KCNAB1: variants seen among roughly 807,000 people sequenced by gnomAD.
The protein encoded by KCNAB1 is potassium voltage-gated channel subfamily A regulatory beta subunit 1.
A neutral mutation model predicts 64.6 loss-of-function variants in KCNAB1; 35 were observed. The observed-to-expected ratio is 0.54, with a 90% CI of 0.41 to 0.72. The LOEUF (loss-of-function observed/expected upper bound fraction) is 0.72. Ranked by LOEUF, KCNAB1 falls within the 30% of genes least tolerant of loss-of-function variation. The pLI is 0.00. For missense variants in KCNAB1, 401 were observed against 512.9 expected (o/e 0.78, Z 2.11); for synonymous variants, 177 against 183.8 (o/e 0.96, Z 0.30).
intron 1 of KCNAB1, among the ~76,000 whole-genome samples, chr3:156,343,158 G>T (rs772958657): frequency 2.6e-5 from 4 of 152,158 alleles, no homozygotes; most frequent in Non-Finnish European, 5.9e-5. Context: ...CTCTCTAGTT[G>T]CTTCAGCTTT....
chr3:156,362,412 A>G (rs1371456726), intron 1 of KCNAB1, among the ~76,000 whole-genome samples: 1 of 152,316 alleles, frequency 6.6e-6, no homozygotes, highest in East Asian at 1.9e-4. Context: ...ACTGTATATC[A>G]CTGCTGTTGT....
chr3:156,185,744 T>A (rs989770160), intron 1 of KCNAB1, among the ~76,000 whole-genome samples: 9 of 152,166 alleles, frequency 5.9e-5, no homozygotes, highest in Admixed American at 5.9e-4. Context: ...GGAGTATTTT[T>A]TTTTTCTCGT....
chr3:156,451,420 G>T (rs1408257872), intron 2 of KCNAB1, among the ~76,000 whole-genome samples: 1 of 152,146 alleles, frequency 6.6e-6, no homozygotes, highest in Non-Finnish European at 1.5e-5. Flanking sequence ...GTCTAATAAG[G>T]CAGTGTGGTG....
intron 13 of KCNAB1, 64 bp downstream of exon 13, chr3:156,531,561 C>A: frequency 1.7e-6 from 2 of 1,202,732 alleles, no homozygotes; most frequent in Non-Finnish European, 1.2e-6. Context: ...TATCTCCAGG[C>A]AGTGTCCCAT....
chr3:156,496,683 T>C (rs2108359963), intron 8 of KCNAB1, among the ~76,000 whole-genome samples: 1 of 152,282 alleles, frequency 6.6e-6, no homozygotes, highest in East Asian at 1.9e-4. Flanking sequence ...TAGTGGGTCA[T>C]GTAGTAGAAG....
At chr3:156,531,581 T>A (rs1559933901) in intron 13 of KCNAB1, 84 bp downstream of exon 13, 3 of 1,016,908 alleles carry the variant, frequency 3.0e-6, no homozygotes, top group Non-Finnish European at 4.7e-6. Context: ...TCTCTCCCCC[T>A]CTCTGTCCTG....
At chr3:156,456,562 T>C (rs1712444317) in intron 3 of KCNAB1, among the ~76,000 whole-genome samples, 1 of 152,264 alleles carries the variant, frequency 6.6e-6, no homozygotes, top group Admixed American at 6.5e-5. Flanking sequence ...TTTTTCTTGG[T>C]AGGCTAATTT....
At chr3:156,467,472 A>G (rs1713501729) in intron 7 of KCNAB1, among the ~76,000 whole-genome samples, 1 of 152,130 alleles carries the variant, frequency 6.6e-6, no homozygotes, top group Admixed American at 6.5e-5. Flanking sequence ...CCACTTCGAA[A>G]ATCAAAATAG....
At position 156,441,264 on chromosome 3, in the gene KCNAB1, T is replaced by C. The variant is rs979751586; in HGVS notation, c.320-11635T>C. ...CAAGAGTTACTCAAAATTATTACTG[T>C]TTGGGAGAGAACAATTCACTGAACC... On this transcript the variant is annotated intron_variant, in intron 2 of 13. Coordinates refer to ENST00000490337, the MANE Select transcript of KCNAB1 (RefSeq NM_172160.3). The C allele has an allele frequency of 2.6e-5, 4 of 152,116 alleles. No individual in the cohort carries two copies. The East Asian group carries it at 7.7e-4, about 29-fold the overall frequency. The allele number at this position is 152,116 out of a possible 1,614,324, so 9.4% of individuals were successfully genotyped here.
At chr3:156,523,793 G>A (rs2108409011) in intron 11 of KCNAB1, 34 bp from the exon 12 acceptor site, 1 of 1,590,106 alleles carries the variant, frequency 6.3e-7, no homozygotes, top group East Asian at 2.2e-5. Flanking sequence ...ATCTTTACCA[G>A]ACATTAACAT....
chr3:156,182,622 T>TA (rs1326840372), intron 1 of KCNAB1, among the ~76,000 whole-genome samples: 1 of 26,808 alleles, frequency 3.7e-5, no homozygotes, highest in African/African-American at 1.0e-4. Flanking sequence ...CAGGGTTGGT[T>TA]TTTTTTTCCC....
intron 1 of KCNAB1, among the ~76,000 whole-genome samples, chr3:156,339,774 G>A (rs188706797): frequency 1.3e-5 from 2 of 152,288 alleles, no homozygotes; most frequent in East Asian, 3.9e-4. Context: ...CATTGGAGGG[G>A]GAGGGGGCTC....
At chr3:156,187,199 A>G (rs1249374952) in intron 1 of KCNAB1, among the ~76,000 whole-genome samples, 1 of 151,984 alleles carries the variant, frequency 6.6e-6, no homozygotes, top group Non-Finnish European at 1.5e-5. Flanking sequence ...CTCTTTCATC[A>G]CTAACCCTCC....
At chr3:156,351,213 C>G (rs1251217809) in intron 1 of KCNAB1, among the ~76,000 whole-genome samples, 1 of 152,234 alleles carries the variant, frequency 6.6e-6, no homozygotes, top group East Asian at 1.9e-4. Flanking sequence ...GTGTCTCACG[C>G]TGAATCCATC....
intron 8 of KCNAB1, among the ~76,000 whole-genome samples, chr3:156,505,021 A>T: frequency 6.6e-6 from 1 of 152,080 alleles, no homozygotes; most frequent in East Asian, 1.9e-4. Context: ...TTCTTCTAGT[A>T]GTGTCATAGC....
chr3:156,405,341 G>C (rs1051980411), intron 1 of KCNAB1, among the ~76,000 whole-genome samples: 2 of 152,210 alleles, frequency 1.3e-5, no homozygotes, highest in African/African-American at 4.8e-5. Context: ...GCAGGGGCCA[G>C]AGCCCTCAGA....
intron 2 of KCNAB1, among the ~76,000 whole-genome samples, chr3:156,445,378 C>G (rs1176485124): frequency 6.6e-6 from 1 of 152,108 alleles, no homozygotes. Context: ...GGTTCTCAAC[C>G]CTGACTGCAA....
At chr3:156,447,118 C>T (rs1306332048) in intron 2 of KCNAB1, among the ~76,000 whole-genome samples, 1 of 152,114 alleles carries the variant, frequency 6.6e-6, no homozygotes, top group Non-Finnish European at 1.5e-5. Context: ...TTCTTTAGGT[C>T]TTTTCTTGAA....
chr3:156,287,180 T>C (rs1334603473), intron 1 of KCNAB1, among the ~76,000 whole-genome samples: 1 of 152,080 alleles, frequency 6.6e-6, no homozygotes, highest in African/African-American at 2.4e-5. Context: ...ATAGGAGTTA[T>C]GTAGCCTGTG....
Sources: gnomAD v4.1 joint callset for allele counts (sites outside exome capture counted in the v4.1 genomes callset) on GRCh38, gnomAD v4.1.1 for gene constraint, MANE v1.5 for transcripts, NCBI Gene and HGNC (gene_info 2026-07-23, HGNC 2026-07-21) for gene names.